The following BRD10 variants were observed in gnomAD, a reference collection of about 807,000 sequenced individuals.
BRD10 encodes bromodomain containing 10.
chr9:5,888,457 T>C, the BRD10 span, among the ~76,000 whole-genome samples: 2 of 152,272 alleles, frequency 1.3e-5, no homozygotes, highest in African/African-American at 2.4e-5. Context: ...CTTTGTTGTA[T>C]GTTTATTTTA....
chr9:5,976,755 C>A, the BRD10 span, among the ~76,000 whole-genome samples: 1 of 148,516 alleles, frequency 6.7e-6, no homozygotes, highest in Non-Finnish European at 1.5e-5. Flanking sequence ...AGAGTCAACA[C>A]TAAGTAGGGA....
chr9:5,930,369 T>TTATATATATATATATATATATATATA, the BRD10 span, among the ~76,000 whole-genome samples: 3 of 135,524 alleles, frequency 2.2e-5, no homozygotes, highest in Admixed American at 7.4e-5. Context: ...TATAAGGAGA[T>TTATATATATATATATATATATATATA]TATATATATA....
At chr9:5,967,129 T>G in the BRD10 span, among the ~76,000 whole-genome samples, 4 of 152,106 alleles carry the variant, frequency 2.6e-5, no homozygotes, top group African/African-American at 9.7e-5. Flanking sequence ...AAGAAAGAAA[T>G]AAAAAGCTGA....
At chr9:5,940,648 C>T in the BRD10 span, among the ~76,000 whole-genome samples, 6 of 152,150 alleles carry the variant, frequency 3.9e-5, no homozygotes, top group East Asian at 1.9e-4. Context: ...ATTTCCACTA[C>T]GAGGGGTGGT....
the BRD10 span, among the ~76,000 whole-genome samples, chr9:5,938,584 T>C: frequency 2.0e-5 from 3 of 152,236 alleles, no homozygotes; most frequent in Non-Finnish European, 2.9e-5. Flanking sequence ...TTCCTGGTAC[T>C]ATACACAGCA....
At chr9:5,958,518 C>T in the BRD10 span, among the ~76,000 whole-genome samples, 121 of 152,256 alleles carry the variant, frequency 7.9e-4, no homozygotes, top group Non-Finnish European at 1.4e-3. Context: ...GCCTGTGATC[C>T]CAGCTCGCCT....
the BRD10 span, among the ~76,000 whole-genome samples, chr9:5,906,582 A>G: frequency 2.0e-5 from 3 of 152,340 alleles, no homozygotes; most frequent in Admixed American, 2.0e-4. Flanking sequence ...TTCCTTTTGT[A>G]GATTCACTCT....
chr9:5,967,846 C>T, the BRD10 span, among the ~76,000 whole-genome samples: 1 of 152,090 alleles, frequency 6.6e-6, no homozygotes, highest in African/African-American at 2.4e-5. Flanking sequence ...TATAAAATGT[C>T]ATCTGCTCTG....
the BRD10 span, among the ~76,000 whole-genome samples, chr9:6,002,329 T>A: frequency 6.6e-6 from 1 of 152,202 alleles, no homozygotes; most frequent in Non-Finnish European, 1.5e-5. Context: ...GAATGGCTAC[T>A]ATAATAAATA....
At chr9:5,957,068 C>A in the BRD10 span, among the ~76,000 whole-genome samples, 1 of 152,042 alleles carries the variant, frequency 6.6e-6, no homozygotes, top group Non-Finnish European at 1.5e-5. Context: ...ATAATTTAAA[C>A]AATTCACCAA....
the BRD10 span, among the ~76,000 whole-genome samples, chr9:5,950,489 C>T: frequency 2.0e-5 from 3 of 152,136 alleles, no homozygotes; most frequent in South Asian, 4.1e-4. Context: ...GGCATTCAAA[C>T]CCAAGTAGGT....
At chr9:5,901,576 T>C in the BRD10 span, among the ~76,000 whole-genome samples, 1 of 152,158 alleles carries the variant, frequency 6.6e-6, no homozygotes, top group South Asian at 2.1e-4. Flanking sequence ...TGGAGTGCAG[T>C]GGCTCAATCT....
At chr9:5,924,871 A>C in the BRD10 span, 1 of 1,378,594 alleles carries the variant, frequency 7.3e-7, no homozygotes, top group Non-Finnish European at 9.6e-7. Context: ...CAACATAATA[A>C]ATAATACATA....
the BRD10 span, among the ~76,000 whole-genome samples, chr9:5,987,062 C>T: frequency 6.6e-6 from 1 of 152,140 alleles, no homozygotes; most frequent in South Asian, 2.1e-4. Flanking sequence ...ACTGTATGAC[C>T]TTGGGCAAGT....
chr9:5,988,670 C>G, the BRD10 span: 1 of 676,390 alleles, frequency 1.5e-6, no homozygotes. Context: ...ACTTACTTAG[C>G]TTTGTTCTAA....
chr9:5,887,365 G>A, the BRD10 span, among the ~76,000 whole-genome samples: 23 of 152,314 alleles, frequency 1.5e-4, no homozygotes, highest in African/African-American at 4.8e-4. Flanking sequence ...CTCTGGGGGA[G>A]GGGATGATGC....
the BRD10 span, among the ~76,000 whole-genome samples, chr9:5,991,232 A>G: frequency 6.6e-6 from 1 of 152,042 alleles, no homozygotes; most frequent in Non-Finnish European, 1.5e-5. Context: ...ACTAGATGCC[A>G]TATGTGTATT....
At chr9:6,007,356 C>A in the BRD10 span, 2 of 1,613,468 alleles carry the variant, frequency 1.2e-6, no homozygotes, top group South Asian at 1.1e-5. Context: ...TGGCGAACTT[C>A]TCTTCCATCT....
the BRD10 span, among the ~76,000 whole-genome samples, chr9:5,992,171 A>AT: frequency 6.6e-6 from 1 of 152,082 alleles, no homozygotes; most frequent in Non-Finnish European, 1.5e-5. Flanking sequence ...TATAATTACT[A>AT]TTTTTTTGGT....
Sources: allele counts gnomAD v4.1 joint callset (sites outside exome capture counted in the v4.1 genomes callset), GRCh38; gene constraint gnomAD v4.1.1; transcripts MANE v1.5; gene names NCBI Gene and HGNC (gene_info 2026-07-23, HGNC 2026-07-21).